Variants in ILRUN observed in about 807,000 individuals in gnomAD.
The protein encoded by ILRUN is protein ILRUN.
In ILRUN, 3 loss-of-function variants were observed where a neutral mutation model predicts 33.8. The observed-to-expected ratio is 0.09, with a 90% CI of 0.04 to 0.23. The LOEUF (loss-of-function observed/expected upper bound fraction) is 0.23. Ranked by LOEUF, ILRUN falls within the 10% of genes least tolerant of loss-of-function variation. ILRUN has a pLI of 1.00. For missense variants in ILRUN, 210 were observed against 375.1 expected (o/e 0.56, Z 3.64); for synonymous variants, 124 against 138.9 (o/e 0.89, Z 0.75).
intron 3 of ILRUN, among the ~76,000 whole-genome samples, chr6:34,614,300 T>C (rs1014888530): frequency 2.6e-5 from 4 of 151,428 alleles, no homozygotes; most frequent in African/African-American, 9.7e-5. Context: ...CGGGCACCTG[T>C]AGTCCCAGCT....
chr6:34,601,720 G>C (rs1761513999), intron 4 of ILRUN, among the ~76,000 whole-genome samples: 1 of 151,372 alleles, frequency 6.6e-6, no homozygotes, highest in Non-Finnish European at 1.5e-5. Flanking sequence ...CCCAACTACT[G>C]TTTCTAAACC....
chr6:34,688,080 T>C (rs1329752992), intron 1 of ILRUN, among the ~76,000 whole-genome samples: 4 of 150,912 alleles, frequency 2.7e-5, no homozygotes, highest in Non-Finnish European at 5.9e-5. Context: ...GTATATACAA[T>C]GGAATACTAT....
intron 2 of ILRUN, among the ~76,000 whole-genome samples, chr6:34,653,751 T>C (rs549295210): frequency 2.0e-4 from 31 of 152,058 alleles, no homozygotes; most frequent in South Asian, 1.2e-3. Context: ...AGTGAGAGGA[T>C]AGCTTGAGCC....
chr6:34,639,159 T>C (rs887185913), intron 3 of ILRUN, among the ~76,000 whole-genome samples: 3 of 152,216 alleles, frequency 2.0e-5, no homozygotes, highest in Admixed American at 2.0e-4. Context: ...TCCTAACATG[T>C]GGGACATATT....
chr6:34,642,434 C>T (rs1762491677), intron 3 of ILRUN, among the ~76,000 whole-genome samples: 1 of 152,126 alleles, frequency 6.6e-6, no homozygotes, highest in Admixed American at 6.5e-5. Flanking sequence ...CAGACAAGGG[C>T]AGGGCTTTCA....
chr6:34,675,105 ACT>A (rs1763201370), intron 1 of ILRUN, among the ~76,000 whole-genome samples: 1 of 151,890 alleles, frequency 6.6e-6, no homozygotes, highest in Non-Finnish European at 1.5e-5. Flanking sequence ...ACATGGTGAA[ACT>A]CTGTCTCTAC....
At chr6:34,647,939 T>A (rs1762591375) in intron 2 of ILRUN, among the ~76,000 whole-genome samples, 1 of 152,248 alleles carries the variant, frequency 6.6e-6, no homozygotes, top group Admixed American at 6.5e-5. Flanking sequence ...CCTCAGGTGA[T>A]CTGCCTGCCT....
Position 34,696,356 on chromosome 6 carries a change from C to T in ILRUN, c.158+90G>A, listed in dbSNP as rs1562039608. ...GGGGTGGCCCTCAGTACCCGCCTGGCTCGCCCTGCCGCCAAGCTCAAGTGT... is the reference window on the plus strand; with the variant it reads ...GGGGTGGCCCTCAGTACCCGCCTGGTTCGCCCTGCCGCCAAGCTCAAGTGT... On this transcript the variant is annotated intron_variant, in intron 1 of 4. Transcript: ENST00000374023. 5 of 1,389,912 alleles carry T rather than the reference C, an allele frequency of 3.6e-6. No homozygotes were observed. The East Asian group carries it at 1.0e-4, about 28-fold the overall frequency. 86.1% of individuals were successfully genotyped at this position (1,389,912 alleles called of 1,614,324 possible). A position where few individuals can be genotyped will look rare whatever the true frequency, so the allele number is the denominator to read the frequency against.
In ILRUN at chr6:34,646,340, A is replaced by C. The variant is rs1427277142; in HGVS notation, c.511+261T>G. 1.3e-5 allele frequency among the ~76,000 whole-genome samples: 2 copies of C among 152,226 alleles called. No homozygotes were observed. Among genetic ancestry groups the C allele is most frequent in the African/African-American group, 2.4e-5 (1 of 41,456 alleles). On this transcript the variant is annotated intron_variant, in intron 3 of 4. Transcript: ENST00000374023. The surrounding 1 kb of genome is among the most constrained non-coding windows in gnomAD (Gnocchi z 4.9). The stretch of plus-strand genomic sequence containing the variant: ...GTATCTACCAGCTTATATAATAAAA[A>C]CAACAGCACTACTAAATATTTATTT...
chr6:34,622,809 C>T (rs1332527698), intron 3 of ILRUN, among the ~76,000 whole-genome samples: 1 of 152,184 alleles, frequency 6.6e-6, no homozygotes, highest in Non-Finnish European at 1.5e-5. Flanking sequence ...CATGTTCATT[C>T]ATAGCAGCAT....
chr6:34,691,810 G>GT (rs1424551563), intron 1 of ILRUN, among the ~76,000 whole-genome samples: 1 of 151,412 alleles, frequency 6.6e-6, no homozygotes, highest in Admixed American at 6.6e-5. Flanking sequence ...AAAAAAAGAA[G>GT]TATCTACACA....
At chr6:34,597,785 C>G (rs1292281805) in intron 4 of ILRUN, among the ~76,000 whole-genome samples, 2 of 152,142 alleles carry the variant, frequency 1.3e-5, no homozygotes, top group African/African-American at 4.8e-5. Context: ...AAAATGCACC[C>G]CACCCTCTTT....
chr6:34,603,201 C>T (rs1388975295), intron 4 of ILRUN, among the ~76,000 whole-genome samples: 1 of 152,150 alleles, frequency 6.6e-6, no homozygotes, highest in African/African-American at 2.4e-5. Context: ...TTAGGCACCC[C>T]TCCTCCCTAG....
chr6:34,626,496 C>A (rs992107054), intron 3 of ILRUN, among the ~76,000 whole-genome samples: 5 of 152,110 alleles, frequency 3.3e-5, no homozygotes, highest in Admixed American at 3.3e-4. Context: ...TTTTTTATAG[C>A]AGTTTTAGGT....
intron 1 of ILRUN, among the ~76,000 whole-genome samples, chr6:34,668,487 A>G (rs1204635239): frequency 6.6e-6 from 1 of 152,324 alleles, no homozygotes; most frequent in South Asian, 2.1e-4. Context: ...AAACACATGC[A>G]TAACAGACTG....
At chr6:34,664,089 C>A (rs142631477) in intron 1 of ILRUN, among the ~76,000 whole-genome samples, 1 of 152,150 alleles carries the variant, frequency 6.6e-6, no homozygotes. Flanking sequence ...TCAAAAGGAA[C>A]AGAGTGTTGA....
At chr6:34,670,228 T>C (rs1425506203) in intron 1 of ILRUN, among the ~76,000 whole-genome samples, 1 of 152,080 alleles carries the variant, frequency 6.6e-6, no homozygotes, top group East Asian at 1.9e-4. Context: ...GGCAAATCTT[T>C]AGAGACAAAA....
At chr6:34,679,361 G>A (rs1231132712) in intron 1 of ILRUN, among the ~76,000 whole-genome samples, 1 of 152,080 alleles carries the variant, frequency 6.6e-6, no homozygotes, top group Non-Finnish European at 1.5e-5. Flanking sequence ...TAAAAGCCAT[G>A]TTTATATTTA....
At chr6:34,627,829 G>A (rs542602925) in intron 3 of ILRUN, among the ~76,000 whole-genome samples, 18 of 150,128 alleles carry the variant, frequency 1.2e-4, no homozygotes, top group Admixed American at 4.0e-4. Flanking sequence ...TCAGCCTCCC[G>A]AGTAGCTAGG....
Sources: allele counts gnomAD v4.1 joint callset (sites outside exome capture counted in the v4.1 genomes callset), GRCh38; gene constraint gnomAD v4.1.1; non-coding constraint Gnocchi (gnomAD v3.1); transcripts MANE v1.5; gene names NCBI Gene and HGNC (gene_info 2026-07-23, HGNC 2026-07-21).